GATA4: variants seen among roughly 807,000 people sequenced by gnomAD.
The protein encoded by GATA4 is GATA binding protein 4.
GATA4 carries 7 observed loss-of-function variants against 37.9 expected under a neutral mutation model. The ratio of observed to expected loss-of-function variants is 0.18; its 90% CI spans 0.11 to 0.35. The LOEUF is 0.35. Among genes scored for constraint, GATA4 ranks in the 10% least tolerant of loss-of-function variants. The pLI, the probability that GATA4 is intolerant of heterozygous loss-of-function variation, is 1.00. For synonymous variants in GATA4, 372 were observed against 292.6 expected, an observed-to-expected ratio of 1.27 and a Z score of -2.77; for missense variants, 647 against 653.0, an observed-to-expected ratio of 0.99 and a Z score of 0.10.
At chr8:11,693,562 C>CACACACAGAGAGAGAGAGAGAG (rs1405047773) in intron 1 of GATA4, among the ~76,000 whole-genome samples, 10 of 72,230 alleles carry the variant, frequency 1.4e-4, no homozygotes, top group Admixed American at 4.6e-4. Context: ...CACACACACA[C>CACACACAGAGAGAGAGAGAGAG]AGAGAGAGAG....
At chr8:11,742,085 C>G (rs1005666951) in intron 2 of GATA4, among the ~76,000 whole-genome samples, 36 of 152,244 alleles carry the variant, frequency 2.4e-4, no homozygotes, top group African/African-American at 8.2e-4. Flanking sequence ...CTGGACCAGC[C>G]TCCCACGCTC....
At chr8:11,738,274 G>C (rs1801556548) in intron 2 of GATA4, among the ~76,000 whole-genome samples, 1 of 150,900 alleles carries the variant, frequency 6.6e-6, no homozygotes. Flanking sequence ...CAAACAATGA[G>C]AAGTCCTTCC....
intron 4 of GATA4, among the ~76,000 whole-genome samples, chr8:11,752,405 G>A (rs762841822): frequency 6.6e-6 from 1 of 152,140 alleles, no homozygotes; most frequent in Non-Finnish European, 1.5e-5. Context: ...TGAAAGGCAC[G>A]TCTTACATGG....
At chr8:11,678,193 A>G (rs1264483902) in intron 1 of GATA4, among the ~76,000 whole-genome samples, 3 of 152,084 alleles carry the variant, frequency 2.0e-5, no homozygotes, top group Non-Finnish European at 2.9e-5. Flanking sequence ...GAAAGCAGAC[A>G]ACACCATTTG....
At chr8:11,715,697 C>T (rs1252734825) in intron 2 of GATA4, among the ~76,000 whole-genome samples, 6 of 151,994 alleles carry the variant, frequency 3.9e-5, no homozygotes, top group Non-Finnish European at 7.4e-5. Context: ...GCCGAGATCA[C>T]ACCACTGCAT....
Position 11,749,046 on chromosome 8 carries a change from C to G in GATA4, c.747C>G (p.Asn249Lys). 1.2e-6 allele frequency: 2 copies of G among 1,614,206 alleles called. No homozygotes were observed. Among genetic ancestry groups the G allele is most frequent in the East Asian group, 2.2e-5 (1 of 44,884 alleles). ...CCTGCGGCCTCTACCACAAGATGAA[C>G]GGCATCAACCGGCCGCTCATCAAGC... ...CNACGLYHKMNGINRPLIKPQ... is the reference protein window; with the variant it reads ...CNACGLYHKMKGINRPLIKPQ... Residue 249 changes from asparagine (N) to lysine (K), a missense_variant, in exon 3 of 7, where the codon AAC becomes AAG. Asn to Lys is a moderately conservative substitution (Grantham distance 94). Coordinates refer to ENST00000532059, the MANE Select transcript of GATA4 (RefSeq NM_001308093.3). This position sits in a 1 kb window ranked among gnomAD's most constrained non-coding sequence, Gnocchi z 4.6.
At chr8:11,734,607 C>G (rs1008783926) in intron 2 of GATA4, among the ~76,000 whole-genome samples, 21 of 152,234 alleles carry the variant, frequency 1.4e-4, no homozygotes, top group South Asian at 2.1e-4. Flanking sequence ...CTGCCTCAGC[C>G]TCCTGAGTTG....
At chr8:11,689,681 C>A (rs1375998216), upstream of GATA4, among the ~76,000 whole-genome samples, 1 of 152,124 alleles carries the variant, frequency 6.6e-6, no homozygotes, top group African/African-American at 2.4e-5. Flanking sequence ...ATCCTCAAGC[C>A]CTCACCCACC....
intron 2 of GATA4, among the ~76,000 whole-genome samples, chr8:11,741,663 G>A (rs573551321): frequency 6.6e-6 from 1 of 152,254 alleles, no homozygotes; most frequent in South Asian, 2.1e-4. Flanking sequence ...GTAATTATAG[G>A]CCCACATGGA....
intron 4 of GATA4, 43 bp from the exon 5 acceptor site, chr8:11,755,002 AC>A (rs1325802344): frequency 1.4e-6 from 2 of 1,462,390 alleles, no homozygotes; most frequent in Middle Eastern, 1.7e-4. Context: ...GTAGCAGACT[AC>A]GCAGAAATGG....
chr8:11,682,808 G>A (rs753503290), intron 1 of GATA4, among the ~76,000 whole-genome samples: 5 of 152,188 alleles, frequency 3.3e-5, no homozygotes, highest in African/African-American at 7.2e-5. Flanking sequence ...TCTTGGCCGT[G>A]GCGATGTGGG....
chr8:11,703,348 G>T (rs1012604778), upstream of GATA4, among the ~76,000 whole-genome samples: 1 of 152,110 alleles, frequency 6.6e-6, no homozygotes, highest in Non-Finnish European at 1.5e-5. Flanking sequence ...GCCCCGCTGC[G>T]CTGGGGCCTC....
intron 2 of GATA4, among the ~76,000 whole-genome samples, chr8:11,741,659 A>T (rs144798033): frequency 2.6e-5 from 4 of 152,204 alleles, no homozygotes; most frequent in Non-Finnish European, 1.5e-5. Context: ...TGCTGTAATT[A>T]TAGGCCCACA....
At chr8:11,695,296 C>T (rs754682619) in intron 1 of GATA4, among the ~76,000 whole-genome samples, 2 of 152,102 alleles carry the variant, frequency 1.3e-5, no homozygotes, top group Non-Finnish European at 2.9e-5. Context: ...ATCCCAGCAA[C>T]TTGGGAGGCT....
chr8:11,713,447 A>C (rs1010327294), intron 2 of GATA4, among the ~76,000 whole-genome samples: 1 of 152,254 alleles, frequency 6.6e-6, no homozygotes, highest in Non-Finnish European at 1.5e-5. Context: ...CCTGGGTCCA[A>C]CCACACAGAA....
At chr8:11,683,498 GCGGTT>G (rs1378427507) in intron 1 of GATA4, among the ~76,000 whole-genome samples, 1 of 152,108 alleles carries the variant, frequency 6.6e-6, no homozygotes, top group African/African-American at 2.4e-5. Flanking sequence ...ATCAAGGGGC[GCGGTT>G]CGATTCCAAC....
rs149560117 is a variant in GATA4, at chr8:11,739,348, G to A, written c.617-9568G>A. Among the ~76,000 whole-genome samples the A allele has an allele frequency of 1.8e-4, 28 of 152,276 alleles. 2 individuals are homozygous for A. The East Asian group carries it at 5.4e-3, about 29-fold the overall frequency. ...CCATTGGGCGTTTTGGTTGTTTCCA[G>A]TATTTGGCAGGAATACCTGAAAAAT... On this transcript the variant is annotated intron_variant, in intron 2 of 6. Transcript: ENST00000532059.
At chr8:11,690,341 G>T (rs932412892), upstream of GATA4, among the ~76,000 whole-genome samples, 1 of 152,172 alleles carries the variant, frequency 6.6e-6, no homozygotes, top group Non-Finnish European at 1.5e-5. Context: ...ATTCAATTCA[G>T]CAAACTTTTT....
chr8:11,683,181 G>T (rs1799030265), intron 1 of GATA4: 1 of 934,710 alleles, frequency 1.1e-6, no homozygotes. Flanking sequence ...AATCTGGACA[G>T]CAGCAGGAAC....
Sources: allele counts gnomAD v4.1 joint callset (sites outside exome capture counted in the v4.1 genomes callset), GRCh38; gene constraint gnomAD v4.1.1; non-coding constraint Gnocchi (gnomAD v3.1); transcripts MANE v1.5; gene names NCBI Gene and HGNC (gene_info 2026-07-23, HGNC 2026-07-21).